The following ANKS1A variants were observed in gnomAD, a reference collection of about 807,000 sequenced individuals.
ANKS1A encodes the protein ankyrin repeat and sterile alpha motif domain containing 1A.
Under a neutral mutation model 120.3 loss-of-function variants are expected in ANKS1A, and 55 were observed. The observed-to-expected ratio is 0.46, with a 90% CI of 0.37 to 0.57. The LOEUF (loss-of-function observed/expected upper bound fraction) is 0.57. Among genes scored for constraint, ANKS1A ranks in the 20% least tolerant of loss-of-function variants. The probability of loss-of-function intolerance (pLI) is 0.00; values close to 1 mark genes in which losing one functional copy is unlikely to be tolerated. For synonymous variants in ANKS1A, 590 were observed against 604.7 expected, an observed-to-expected ratio of 0.98 and a Z score of 0.36; for missense variants, 1,123 against 1,480.3, an observed-to-expected ratio of 0.76 and a Z score of 3.96.
chr6:35,059,066 A>G (rs1776350280), intron 12 of ANKS1A, among the ~76,000 whole-genome samples: 1 of 152,164 alleles, frequency 6.6e-6, no homozygotes, highest in African/African-American at 2.4e-5. Flanking sequence ...TCTCTCTTTT[A>G]TCTGGTTGGG....
intron 1 of ANKS1A, among the ~76,000 whole-genome samples, chr6:34,928,741 A>G (rs1768835446): frequency 6.6e-6 from 1 of 152,200 alleles, no homozygotes; most frequent in South Asian, 2.1e-4. Flanking sequence ...GAATCCTGGC[A>G]GGGGATTCTG....
At chr6:34,989,458 C>A in intron 9 of ANKS1A, 142 bp downstream of exon 9, 1 of 759,646 alleles carries the variant, frequency 1.3e-6, no homozygotes, top group Non-Finnish European at 2.2e-6. Context: ...TACTAGTAAT[C>A]TGGAATAAGA....
chr6:35,013,966 A>G (rs1773887595), intron 10 of ANKS1A, among the ~76,000 whole-genome samples: 1 of 152,342 alleles, frequency 6.6e-6, no homozygotes, highest in East Asian at 1.9e-4. Context: ...GGCATGTGCT[A>G]GACACGGTTC....
At chr6:34,944,054 A>C (rs984755885) in intron 1 of ANKS1A, among the ~76,000 whole-genome samples, 1 of 152,202 alleles carries the variant, frequency 6.6e-6, no homozygotes, top group Non-Finnish European at 1.5e-5. Context: ...CGGGCAGATC[A>C]TGAGGTCAGG....
chr6:34,939,915 C>G (rs1414766344), intron 1 of ANKS1A, among the ~76,000 whole-genome samples: 1 of 152,144 alleles, frequency 6.6e-6, no homozygotes, highest in Non-Finnish European at 1.5e-5. Context: ...TCCTGTTCAT[C>G]TAAGAAATAT....
intron 1 of ANKS1A, among the ~76,000 whole-genome samples, chr6:34,915,694 T>C (rs999975532): frequency 6.6e-6 from 1 of 152,162 alleles, no homozygotes; most frequent in Non-Finnish European, 1.5e-5. Flanking sequence ...ATTCCCAAGA[T>C]GTCTAGAGGA....
At chr6:34,928,023 C>A (rs1027270053) in intron 1 of ANKS1A, among the ~76,000 whole-genome samples, 56 of 152,182 alleles carry the variant, frequency 3.7e-4, no homozygotes, top group African/African-American at 1.3e-3. Context: ...TTGATGCAGA[C>A]CCCACATGCG....
chr6:34,916,300 G>A (rs1167181518), intron 1 of ANKS1A, among the ~76,000 whole-genome samples: 1 of 152,136 alleles, frequency 6.6e-6, no homozygotes, highest in Non-Finnish European at 1.5e-5. Flanking sequence ...GCCCATGTCT[G>A]CATCTTACTT....
rs1344204284 is a variant in ANKS1A, at chr6:35,038,216, A to G, written c.2011-15883A>G. 5 of 456,678 alleles carry G rather than the reference A, an allele frequency of 1.1e-5. No individual in the cohort carries two copies. The East Asian group carries it at 3.5e-4, about 32-fold the overall frequency. 28.3% of individuals were successfully genotyped at this position (456,678 alleles called of 1,614,324 possible). A position where few individuals can be genotyped will look rare whatever the true frequency, so the allele number is the denominator to read the frequency against. ...AGGCTAAGAGAACTGTCAGAAGCCC[A>G]TCAGTCTGGGAAGAAAGGGAGCTTC... On this transcript the variant is annotated intron_variant, in intron 11 of 23. Coordinates refer to ENST00000360359, the MANE Select transcript of ANKS1A (RefSeq NM_015245.3).
Position 34,889,355 on chromosome 6 carries a change from C to G in ANKS1A, c.-48C>G. ...CGGAAAGTTTGGGAGCCCGAGCAGG[C>G]TCGGCTGCAGCCTCGGGGAGGGGGT... On this transcript the variant is annotated 5_prime_UTR_variant, in exon 1 of 24. Coordinates refer to ENST00000360359, the MANE Select transcript of ANKS1A (RefSeq NM_015245.3). The surrounding 1 kb of genome is among the most constrained non-coding windows in gnomAD (Gnocchi z 5.5). 1.6e-6 allele frequency: 2 copies of G among 1,244,056 alleles called. No homozygotes were observed. The highest frequency in any genetic ancestry group is 2.0e-6 in the Non-Finnish European group (2 of 995,586). 77.1% of individuals were successfully genotyped at this position (1,244,056 alleles called of 1,614,324 possible).
At chr6:35,051,262 A>G (rs1775948474) in intron 11 of ANKS1A, among the ~76,000 whole-genome samples, 1 of 152,088 alleles carries the variant, frequency 6.6e-6, no homozygotes, top group African/African-American at 2.4e-5. Flanking sequence ...CTAGTGGGTG[A>G]CTCCTGGGGC....
intron 1 of ANKS1A, among the ~76,000 whole-genome samples, chr6:34,960,278 T>C (rs934962120): frequency 1.3e-5 from 2 of 152,230 alleles, no homozygotes; most frequent in African/African-American, 4.8e-5. Flanking sequence ...CTTCCTTTGC[T>C]GCCTCTGCTT....
intron 1 of ANKS1A, among the ~76,000 whole-genome samples, chr6:34,946,201 G>C (rs1769789365): frequency 6.6e-6 from 1 of 151,730 alleles, no homozygotes; most frequent in African/African-American, 2.4e-5. Flanking sequence ...GGGTGGTCTT[G>C]AACTCCTGAC....
chr6:35,065,181 G>A (rs1181092296), intron 13 of ANKS1A, among the ~76,000 whole-genome samples: 1 of 152,088 alleles, frequency 6.6e-6, no homozygotes, highest in African/African-American at 2.4e-5. Flanking sequence ...CTCATTTGGG[G>A]CCTATTTCCA....
intron 10 of ANKS1A, among the ~76,000 whole-genome samples, chr6:35,008,246 G>C (rs943929368): frequency 6.6e-6 from 1 of 151,688 alleles, no homozygotes; most frequent in Admixed American, 6.6e-5. Context: ...ACGGGGTCTC[G>C]CTCCATTGCT....
chr6:34,996,598 G>A (rs528874829), intron 10 of ANKS1A, among the ~76,000 whole-genome samples: 33 of 151,696 alleles, frequency 2.2e-4, no homozygotes, highest in African/African-American at 6.3e-4. Flanking sequence ...TCAGCCTCCC[G>A]AGTAGCTGAG....
At chr6:34,991,244 C>G (rs1380669011) in intron 9 of ANKS1A, among the ~76,000 whole-genome samples, 1 of 152,110 alleles carries the variant, frequency 6.6e-6, no homozygotes, top group Non-Finnish European at 1.5e-5. Flanking sequence ...GATTAATGAC[C>G]TGATCATGAA....
downstream of ANKS1A, among the ~76,000 whole-genome samples, chr6:35,092,153 T>G (rs1484313160): frequency 1.3e-5 from 2 of 152,156 alleles, no homozygotes; most frequent in Admixed American, 1.3e-4. Context: ...AGGGCCTCTA[T>G]TCATAAAGCG....
chr6:35,008,775 G>T (rs1364045504), intron 10 of ANKS1A, among the ~76,000 whole-genome samples: 3 of 152,198 alleles, frequency 2.0e-5, no homozygotes, highest in African/African-American at 7.2e-5. Context: ...TCATATAAAA[G>T]TGATTTTGGT....
Sources: allele counts gnomAD v4.1 joint callset (sites outside exome capture counted in the v4.1 genomes callset), GRCh38; gene constraint gnomAD v4.1.1; non-coding constraint Gnocchi (gnomAD v3.1); transcripts MANE v1.5; gene names NCBI Gene and HGNC (gene_info 2026-07-23, HGNC 2026-07-21).